Variants in EVL observed in about 807,000 individuals in gnomAD.
The protein encoded by EVL is Enah/Vasp-like.
A neutral mutation model predicts 59.6 loss-of-function variants in EVL; 21 were observed. That is an observed-to-expected ratio of 0.35 (90% CI 0.25 to 0.51). The LOEUF (loss-of-function observed/expected upper bound fraction) is 0.51. Ranked by LOEUF, EVL falls within the 20% of genes least tolerant of loss-of-function variation. The pLI is 0.97. For missense variants in EVL, 462 were observed against 546.6 expected (o/e 0.85, Z 1.54); for synonymous variants, 198 against 203.5 (o/e 0.97, Z 0.23).
intron 1 of EVL, among the ~76,000 whole-genome samples, chr14:99,995,613 T>C (rs956327990): frequency 6.6e-6 from 1 of 152,224 alleles, no homozygotes; most frequent in Admixed American, 6.5e-5. Context: ...TTCTGGAGAT[T>C]TAACTTGTGG....
intron 1 of EVL, among the ~76,000 whole-genome samples, chr14:99,982,647 C>G (rs140833804): frequency 2.6e-3 from 396 of 152,222 alleles, no homozygotes; most frequent in Non-Finnish European, 4.0e-3. Context: ...GGAGGGAGCC[C>G]TGTTCCCAGT....
intron 5 of EVL, among the ~76,000 whole-genome samples, chr14:100,128,095 C>T (rs908087285): frequency 2.6e-5 from 4 of 152,224 alleles, no homozygotes; most frequent in East Asian, 1.9e-4. Context: ...CGGCCCCCAA[C>T]GACCCAAGTG....
chr14:100,093,644 A>G (rs1172827339), intron 2 of EVL, among the ~76,000 whole-genome samples: 1 of 152,234 alleles, frequency 6.6e-6, no homozygotes, highest in Non-Finnish European at 1.5e-5. Flanking sequence ...CAGAACTGGG[A>G]TACGTCCTCT....
intron 1 of EVL, among the ~76,000 whole-genome samples, chr14:100,012,339 G>A (rs745602819): frequency 2.6e-5 from 4 of 152,226 alleles, no homozygotes; most frequent in Non-Finnish European, 5.9e-5. Context: ...CGCCTCGGGT[G>A]TAACAGTGCT....
intron 1 of EVL, among the ~76,000 whole-genome samples, chr14:100,041,214 A>G (rs951439728): frequency 1.3e-5 from 2 of 152,208 alleles, no homozygotes; most frequent in African/African-American, 2.4e-5. Context: ...TATGATTGGC[A>G]GCATGGAAAG....
rs186705512 is a variant in EVL, at chr14:100,126,810, C to T, written c.487+39C>T. ...TCCCCTAGGGCCGACTCCCATGCTG[C>T]TGCCAGGTGGCAGCCCCTCCACGTA... On this transcript the variant is annotated intron_variant, in intron 5 of 13. Coordinates refer to ENST00000392920, the MANE Select transcript of EVL (RefSeq NM_016337.3). 130 of 1,599,962 alleles carry T rather than the reference C, an allele frequency of 8.1e-5. No individual in the cohort carries two copies. In the African/African-American group the frequency reaches 1.6e-3, roughly 19 times the overall value.
At chr14:99,996,787 GACTATAGGCACATGCC>G (rs1398287332) in intron 1 of EVL, among the ~76,000 whole-genome samples, 1 of 152,112 alleles carries the variant, frequency 6.6e-6, no homozygotes, top group Non-Finnish European at 1.5e-5. Context: ...GAGTGGCTGG[GACTATAGGCACATGCC>G]ACCGTGTCTG....
At chr14:100,024,557 C>T (rs1026015294) in intron 1 of EVL, among the ~76,000 whole-genome samples, 10 of 152,296 alleles carry the variant, frequency 6.6e-5, no homozygotes, top group Admixed American at 6.5e-4. Flanking sequence ...CCCAAGGTAA[C>T]TTTAACTCAC....
chr14:100,004,440 G>GA (rs2060965550), intron 1 of EVL, among the ~76,000 whole-genome samples: 1 of 151,874 alleles, frequency 6.6e-6, no homozygotes, highest in Non-Finnish European at 1.5e-5. Context: ...AATCCCTTAA[G>GA]AAAATGTTAC....
intron 1 of EVL, among the ~76,000 whole-genome samples, chr14:100,076,793 G>A (rs1236671789): frequency 6.6e-6 from 1 of 152,166 alleles, no homozygotes; most frequent in African/African-American, 2.4e-5. Context: ...CAAGGGTTGG[G>A]TCGGCTGTGG....
intron 3 of EVL, among the ~76,000 whole-genome samples, chr14:100,103,622 C>T (rs935836037): frequency 6.6e-6 from 1 of 152,166 alleles, no homozygotes; most frequent in Non-Finnish European, 1.5e-5. Flanking sequence ...CCCCCATGCC[C>T]ACCCCAGGTG....
At chr14:100,079,095 C>T (rs2062232390) in intron 1 of EVL, among the ~76,000 whole-genome samples, 1 of 152,208 alleles carries the variant, frequency 6.6e-6, no homozygotes, top group African/African-American at 2.4e-5. Flanking sequence ...GGGTCTTTCT[C>T]CGCAGGCCTG....
Position 100,109,835 on chromosome 14 carries a change from C to T in EVL, c.358+12177C>T. On this transcript the variant is annotated intron_variant, in intron 3 of 13. Transcript: ENST00000392920. The surrounding 1 kb of genome is among the most constrained non-coding windows in gnomAD (Gnocchi z 4.3). ...TCAGCTGCTGTGGCCCCGAGGTGTG[C>T]ATACTGTGGAAGGAACTTCGGACGT... 1 of 420,938 alleles carries T rather than the reference C, an allele frequency of 2.4e-6. No homozygotes were observed. The highest frequency in any genetic ancestry group is 2.0e-5 in the African/African-American group (1 of 49,092). 26.1% of individuals were successfully genotyped at this position (420,938 alleles called of 1,614,324 possible). A position where few individuals can be genotyped will look rare whatever the true frequency, so the allele number is the denominator to read the frequency against.
At chr14:100,017,175 G>T (rs2061057697) in intron 1 of EVL, among the ~76,000 whole-genome samples, 1 of 152,172 alleles carries the variant, frequency 6.6e-6, no homozygotes, top group Non-Finnish European at 1.5e-5. Context: ...TTAATATTAT[G>T]TGTAAAATGA....
At chr14:100,022,200 TG>T (rs1252394851) in intron 1 of EVL, among the ~76,000 whole-genome samples, 1 of 151,844 alleles carries the variant, frequency 6.6e-6, no homozygotes, top group East Asian at 1.9e-4. Context: ...CACACGTGCC[TG>T]TAGGCCTCGT....
chr14:100,027,232 A>T (rs1265267464), intron 1 of EVL, among the ~76,000 whole-genome samples: 1 of 152,208 alleles, frequency 6.6e-6, no homozygotes, highest in Non-Finnish European at 1.5e-5. Flanking sequence ...TCAAGCGTTT[A>T]TCATTTCTTT....
At chr14:99,973,789 T>C (rs763461144) in intron 1 of EVL, among the ~76,000 whole-genome samples, 1 of 152,230 alleles carries the variant, frequency 6.6e-6, no homozygotes, top group Non-Finnish European at 1.5e-5. Flanking sequence ...AAAGCTTACA[T>C]GTGTTTTCCC....
intron 1 of EVL, among the ~76,000 whole-genome samples, chr14:99,994,473 A>G (rs2060899268): frequency 6.6e-6 from 1 of 152,128 alleles, no homozygotes; most frequent in Non-Finnish European, 1.5e-5. Flanking sequence ...TTACAATTAC[A>G]TAAAACATCT....
At chr14:100,137,466 G>T (rs374265266) in intron 9 of EVL, 112 bp from the exon 10 acceptor site, 1 of 1,138,346 alleles carries the variant, frequency 8.8e-7, no homozygotes, top group Non-Finnish European at 1.3e-6. Context: ...CTGCCACGGG[G>T]CTCTGCACCC....
Sources: gnomAD v4.1 joint callset for allele counts (sites outside exome capture counted in the v4.1 genomes callset) on GRCh38, gnomAD v4.1.1 for gene constraint, Gnocchi (gnomAD v3.1) non-coding constraint, MANE v1.5 for transcripts, NCBI Gene and HGNC (gene_info 2026-07-23, HGNC 2026-07-21) for gene names.